The following TRAF5 variants were observed in gnomAD, a reference collection of about 807,000 sequenced individuals.
The protein encoded by TRAF5 is TNF receptor-associated factor 5.
A neutral mutation model predicts 64.5 loss-of-function variants in TRAF5; 48 were observed. That is an observed-to-expected ratio of 0.74 (90% CI 0.59 to 0.95). The LOEUF (loss-of-function observed/expected upper bound fraction) is 0.95. TRAF5 is among the 40% of genes least tolerant of loss of function. The pLI is 0.00. For synonymous variants in TRAF5, 206 were observed against 240.5 expected (o/e 0.86, Z 1.33); for missense variants, 545 against 662.8 (o/e 0.82, Z 1.95).
intron 1 of TRAF5, among the ~76,000 whole-genome samples, chr1:211,338,712 C>T (rs1431258899): frequency 3.3e-5 from 5 of 152,144 alleles, no homozygotes; most frequent in African/African-American, 1.2e-4. Flanking sequence ...GCAGCCCCCA[C>T]CTCCTGGGTT....
At chr1:211,369,204 G>A in intron 8 of TRAF5, 1 of 257,762 alleles carries the variant, frequency 3.9e-6, no homozygotes, top group Non-Finnish European at 7.3e-6. Flanking sequence ...CTGTCATTAG[G>A]TGAACCATCA....
chr1:211,326,795 G>C, upstream of TRAF5: 2 of 984,288 alleles, frequency 2.0e-6, no homozygotes, highest in Non-Finnish European at 2.4e-6. The surrounding 1 kb of genome is among the most constrained non-coding windows in gnomAD (Gnocchi z 5.0). Flanking sequence ...CCCGCCCCAG[G>C]CCTCGCCTCC....
At position 211,341,537 on chromosome 1, in the gene TRAF5, A is replaced by G. The variant is rs115193173; in HGVS notation, c.-1-11702A>G. 9.2e-3 allele frequency among the ~76,000 whole-genome samples: 1,394 copies of G among 152,284 alleles called. 20 individuals carry two copies. The highest frequency in any genetic ancestry group is 0.032 in the African/African-American group (1,321 of 41,564). On this transcript the variant is annotated intron_variant, in intron 1 of 10. Transcript: ENST00000261464. The stretch of plus-strand genomic sequence containing the variant: ...GACTTATTCCAGGTAGAGTACAGAT[A>G]AGCTTGGGAGGGCCAGGGAGGCTTC...
At position 211,366,962 on chromosome 1, in the gene TRAF5, G is replaced by A. The variant is rs866878222; in HGVS notation, c.789+1494G>A. On this transcript the variant is annotated intron_variant, in intron 8 of 10. Coordinates refer to ENST00000261464, the MANE Select transcript of TRAF5 (RefSeq NM_001033910.3). ...TTCTTAATTGGAAAACACTTGGTCAGCTAATTGTTTGTTTGTTTGTTTGTT... is the reference window on the plus strand; with the variant it reads ...TTCTTAATTGGAAAACACTTGGTCAACTAATTGTTTGTTTGTTTGTTTGTT... Among the ~76,000 whole-genome samples, 67 of 76,254 alleles carry A rather than the reference G, an allele frequency of 8.8e-4. 1 individual carries two copies. The highest frequency in any genetic ancestry group is 6.6e-3 in the Middle Eastern group (1 of 152). 50.0% of individuals were successfully genotyped at this position (76,254 alleles called of 152,430 possible).
At chr1:211,337,975 C>T (rs1702348344) in intron 1 of TRAF5, among the ~76,000 whole-genome samples, 1 of 152,154 alleles carries the variant, frequency 6.6e-6, no homozygotes, top group South Asian at 2.1e-4. Context: ...AGGGCATTGT[C>T]AGTCATAGCT....
intron 1 of TRAF5, among the ~76,000 whole-genome samples, chr1:211,331,600 C>G (rs1263056600): frequency 1.3e-5 from 2 of 152,060 alleles, no homozygotes; most frequent in African/African-American, 4.8e-5. Context: ...AACTGCATGC[C>G]TAGCCTAAAG....
chr1:211,354,111 A>G (rs1702883694), intron 2 of TRAF5, among the ~76,000 whole-genome samples: 3 of 152,230 alleles, frequency 2.0e-5, no homozygotes, highest in Admixed American at 2.0e-4. Context: ...AGAATGTCCC[A>G]GTCTAGAGGA....
intron 9 of TRAF5, among the ~76,000 whole-genome samples, chr1:211,370,268 A>G (rs1703479336): frequency 6.6e-6 from 1 of 152,186 alleles, no homozygotes. Context: ...TAAAATTTAT[A>G]GTGAAAAAGA....
At position 211,372,115 on chromosome 1, in the gene TRAF5, T is replaced by G. The variant is rs759893259; in HGVS notation, c.1100-13T>G. On this transcript the variant is annotated splice_polypyrimidine_tract_variant and intron_variant, in intron 10 of 10. Coordinates refer to ENST00000261464, the MANE Select transcript of TRAF5 (RefSeq NM_001033910.3). ...CCTATGGAATCTTTTTTTTTTTTTT[T>G]TCTTATTTGCAGCCGTTTTAGAAGA... is the stretch of plus-strand genomic sequence containing the variant. 2.7e-5 allele frequency: 41 copies of G among 1,513,788 alleles called. No homozygotes were observed. The East Asian group carries it at 2.7e-4, about 10-fold the overall frequency. The allele number at this position is 1,513,788 out of a possible 1,614,324, so 93.8% of individuals were successfully genotyped here.
intron 1 of TRAF5, among the ~76,000 whole-genome samples, chr1:211,327,960 G>A (rs1216804593): frequency 1.3e-5 from 2 of 152,184 alleles, no homozygotes; most frequent in African/African-American, 4.8e-5. Context: ...ACTGGGCTGG[G>A]GCCAGTGGAA....
intron 1 of TRAF5, among the ~76,000 whole-genome samples, chr1:211,347,086 GAT>G (rs1298924047): frequency 6.6e-6 from 1 of 151,918 alleles, no homozygotes; most frequent in Non-Finnish European, 1.5e-5. Context: ...TAGCAGTTTT[GAT>G]ATGTTTTTTT....
At chr1:211,333,786 C>T (rs922517684) in intron 1 of TRAF5, among the ~76,000 whole-genome samples, 2 of 152,168 alleles carry the variant, frequency 1.3e-5, no homozygotes, top group Admixed American at 6.5e-5. Context: ...TATAAGCCAC[C>T]GTACCCGGCC....
intron 1 of TRAF5, among the ~76,000 whole-genome samples, chr1:211,341,310 G>GAACCCTAGGGC (rs1303944344): frequency 3.3e-5 from 5 of 152,274 alleles, no homozygotes; most frequent in Admixed American, 3.3e-4. Flanking sequence ...AACAAACACA[G>GAACCCTAGGGC]AACCCTAGGG....
intron 8 of TRAF5, chr1:211,368,891 C>A (rs1022727215): frequency 3.9e-5 from 6 of 152,194 alleles, no homozygotes; most frequent in African/African-American, 1.4e-4. Flanking sequence ...CATACAAGAG[C>A]TAATGAATAT....
At chr1:211,350,951 T>C (rs61848979) in intron 1 of TRAF5, among the ~76,000 whole-genome samples, 3,881 of 151,882 alleles carry the variant, frequency 0.026, 77 homozygotes, top group South Asian at 0.069. Context: ...GTTCAAGCCA[T>C]CTTCCCACCT....
rs1403519998 is a variant in TRAF5, at chr1:211,354,408, A to G, written c.219-2A>G. On this transcript the variant is annotated splice_acceptor_variant, in intron 2 of 10. Transcript: ENST00000261464. LOFTEE classifies it high-confidence loss of function. The stretch of plus-strand genomic sequence containing the variant: ...TGGCTCCATTTTAATTTTTTTCTCC[A>G]GAGAATTAAACACAGTGCCAATCTG... 19 of 1,613,970 alleles carry G rather than the reference A, an allele frequency of 1.2e-5. No individual in the cohort carries two copies. Among genetic ancestry groups the G allele is most frequent in the Non-Finnish European group, 1.5e-5 (18 of 1,179,932 alleles).
chr1:211,346,446 G>A, intron 1 of TRAF5: 3 of 984,078 alleles, frequency 3.0e-6, no homozygotes, highest in Non-Finnish European at 2.4e-6. Flanking sequence ...CAGAGACAGA[G>A]GTCTCTGGTC....
chr1:211,356,137 G>A (rs1313859805), intron 3 of TRAF5, among the ~76,000 whole-genome samples: 70 of 152,220 alleles, frequency 4.6e-4, no homozygotes, highest in Non-Finnish European at 1.2e-4. Flanking sequence ...TTGCAGCCTG[G>A]TGCGCAGGGC....
intron 1 of TRAF5, among the ~76,000 whole-genome samples, chr1:211,343,541 C>T (rs1702504174): frequency 6.6e-6 from 1 of 152,154 alleles, no homozygotes; most frequent in African/African-American, 2.4e-5. Flanking sequence ...CCCACCTCAG[C>T]CTCCGGAATG....
Sources: gnomAD v4.1 joint callset for allele counts (sites outside exome capture counted in the v4.1 genomes callset) on GRCh38, gnomAD v4.1.1 for gene constraint, Gnocchi (gnomAD v3.1) non-coding constraint, MANE v1.5 for transcripts, NCBI Gene and HGNC (gene_info 2026-07-23, HGNC 2026-07-21) for gene names.